Variants in SVIL observed in about 807,000 individuals in gnomAD.
SVIL encodes the protein archvillin.
In SVIL, 101 loss-of-function variants were observed where a neutral mutation model predicts 240.4. The observed-to-expected ratio is 0.42, with a 90% CI of 0.36 to 0.50. The LOEUF is 0.50. SVIL is among the 20% of genes least tolerant of loss of function. The pLI, the probability that SVIL is intolerant of heterozygous loss-of-function variation, is 0.01. For missense variants in SVIL, 2,512 were observed against 2,818.7 expected, an observed-to-expected ratio of 0.89 and a Z score of 2.46; for synonymous variants, 999 against 1,100.0, an observed-to-expected ratio of 0.91 and a Z score of 1.82.
intron 1 of SVIL, among the ~76,000 whole-genome samples, chr10:29,695,774 T>C (rs1164627698): frequency 6.6e-6 from 1 of 150,460 alleles, no homozygotes; most frequent in East Asian, 2.0e-4. Context: ...AAATAAGATG[T>C]ACAAACAGCT....
intron 27 of SVIL, chr10:29,483,628 G>A (rs936517309): frequency 1.3e-5 from 2 of 152,172 alleles, no homozygotes; most frequent in African/African-American, 2.4e-5. Flanking sequence ...TAGATTTTAT[G>A]CTTTAGCTTG....
chr10:29,498,112 A>AG (rs1948599321), intron 18 of SVIL, among the ~76,000 whole-genome samples: 2 of 148,996 alleles, frequency 1.3e-5, no homozygotes, highest in Non-Finnish European at 3.0e-5. Flanking sequence ...AAAAAAAAAA[A>AG]AAAAAGAAAA....
intron 1 of SVIL, among the ~76,000 whole-genome samples, chr10:29,622,678 T>C (rs908656317): frequency 2.0e-5 from 3 of 152,126 alleles, no homozygotes; most frequent in African/African-American, 7.2e-5. Flanking sequence ...AAAACGCTAT[T>C]TAAGCTAATG....
At chr10:29,607,047 G>T (rs1388413860) in intron 1 of SVIL, among the ~76,000 whole-genome samples, 2 of 152,192 alleles carry the variant, frequency 1.3e-5, no homozygotes, top group Non-Finnish European at 2.9e-5. Context: ...GAGCCACTAT[G>T]CCTGGCCTAC....
At chr10:29,530,491 G>A in intron 11 of SVIL, 116 bp downstream of exon 11, 3 of 1,135,996 alleles carry the variant, frequency 2.6e-6, no homozygotes, top group Non-Finnish European at 3.9e-6. Context: ...TCACTGTGTT[G>A]CCCAGGCTGG....
intron 16 of SVIL, among the ~76,000 whole-genome samples, chr10:29,515,987 C>T (rs11007637): frequency 0.44 from 66,162 of 151,602 alleles, 15,051 homozygotes; most frequent in African/African-American, 0.55. Flanking sequence ...TGGGTACATC[C>T]GGGTCAAGAA....
intron 2 of SVIL, among the ~76,000 whole-genome samples, chr10:29,674,107 G>A (rs899212910): frequency 2.0e-5 from 3 of 152,048 alleles, no homozygotes; most frequent in Non-Finnish European, 4.4e-5. Context: ...AAGGCGGGAG[G>A]TTCACTTGAG....
In SVIL at chr10:29,499,165, C is replaced by T. The variant is rs372193671; in HGVS notation, c.3615G>A (p.Ala1205=). Residue 1205 remains alanine (A), a synonymous_variant, in exon 18 of 38, where the codon GCG becomes GCA. Transcript: ENST00000355867. Reference sequence around the variant, plus strand: ...CAGTGAACTGGGTCGAGTCGTTGGCCGCTCCTCTGCCTCTCGTCTTCCAGG... The same window carrying T: ...CAGTGAACTGGGTCGAGTCGTTGGCTGCTCCTCTGCCTCTCGTCTTCCAGG... The part of the protein sequence containing the change: ...EEAWKTRGRG[A]ANDSTQFTVA... 5.6e-5 allele frequency: 91 copies of T among 1,613,972 alleles called. No homozygotes were observed. In the East Asian group the frequency reaches 7.6e-4, roughly 13 times the overall value.
At chr10:29,696,459 A>C (rs1159103343) in intron 1 of SVIL, among the ~76,000 whole-genome samples, 7 of 144,858 alleles carry the variant, frequency 4.8e-5, no homozygotes, top group Non-Finnish European at 9.0e-5. Flanking sequence ...CCCAGTCTGG[A>C]AAGTGAGGAG....
intron 6 of SVIL, among the ~76,000 whole-genome samples, chr10:29,547,285 A>G (rs184858650): frequency 2.0e-5 from 3 of 152,260 alleles, no homozygotes; most frequent in Admixed American, 2.0e-4. Context: ...TTTGTCACAC[A>G]TTTTCCATCC....
intron 1 of SVIL, among the ~76,000 whole-genome samples, chr10:29,606,839 C>T (rs964767604): frequency 1.3e-5 from 2 of 152,124 alleles, no homozygotes; most frequent in Non-Finnish European, 2.9e-5. Flanking sequence ...ATGGCAACCT[C>T]TGCCTCCTGT....
intron 1 of SVIL, among the ~76,000 whole-genome samples, chr10:29,587,933 A>ATT (rs774407369): frequency 7.2e-5 from 11 of 152,168 alleles, no homozygotes; most frequent in Non-Finnish European, 1.6e-4. Context: ...AATATTCATT[A>ATT]TTTTTAATTC....
intron 1 of SVIL, among the ~76,000 whole-genome samples, chr10:29,695,286 A>G (rs776447704): frequency 6.6e-6 from 1 of 152,152 alleles, no homozygotes; most frequent in Admixed American, 6.5e-5. Context: ...GAGAAGGGGT[A>G]GTGGGAGTGA....
At chr10:29,500,552 C>T (rs11818740) in intron 17 of SVIL, among the ~76,000 whole-genome samples, 4,997 of 152,242 alleles carry the variant, frequency 0.033, 240 homozygotes, top group African/African-American at 0.1. Context: ...CTAGCGCATC[C>T]GCTTTCAAAC....
At chr10:29,502,765 G>T (rs1187557509) in intron 17 of SVIL, among the ~76,000 whole-genome samples, 1 of 152,078 alleles carries the variant, frequency 6.6e-6, no homozygotes, top group Non-Finnish European at 1.5e-5. Flanking sequence ...GTCAGATATT[G>T]GTAGGTCACA....
In SVIL at chr10:29,460,006, C is replaced by T. The variant is rs3780855; in HGVS notation, c.6403-1417G>A. 4.2e-4 allele frequency among the ~76,000 whole-genome samples: 64 copies of T among 152,116 alleles called. 2 individuals carry two copies. In the East Asian group the frequency reaches 0.012, roughly 29 times the overall value. ...CTTGGGGTGGCTGAGGTGGTAGGGTCGTTTGAGCCCAGGGGTTCAAGGTTT... is the reference window on the plus strand; with the variant it reads ...CTTGGGGTGGCTGAGGTGGTAGGGTTGTTTGAGCCCAGGGGTTCAAGGTTT... On this transcript the variant is annotated intron_variant, in intron 36 of 37. Transcript: ENST00000355867.
intron 6 of SVIL, among the ~76,000 whole-genome samples, chr10:29,542,564 C>T (rs1404805494): frequency 6.6e-6 from 1 of 151,630 alleles, no homozygotes; most frequent in African/African-American, 2.4e-5. Context: ...AGCAAGTGTA[C>T]GTATTTATGG....
At chr10:29,717,247 A>ATC (rs1589569931) in intron 1 of SVIL, among the ~76,000 whole-genome samples, 4 of 147,166 alleles carry the variant, frequency 2.7e-5, no homozygotes, top group South Asian at 2.2e-4. Context: ...AAAAAAAAAA[A>ATC]AAAAAAAAAA....
At chr10:29,573,985 C>T (rs1157218208) in intron 1 of SVIL, among the ~76,000 whole-genome samples, 13 of 152,224 alleles carry the variant, frequency 8.5e-5, no homozygotes, top group East Asian at 1.9e-4. Flanking sequence ...TGTGAGCCAC[C>T]GCGCCCAGCC....
Sources: gnomAD v4.1 joint callset for allele counts (sites outside exome capture counted in the v4.1 genomes callset) on GRCh38, gnomAD v4.1.1 for gene constraint, MANE v1.5 for transcripts, NCBI Gene and HGNC (gene_info 2026-07-23, HGNC 2026-07-21) for gene names.